The following AUTS2 variants were observed in gnomAD, a reference collection of about 807,000 sequenced individuals.
AUTS2 encodes activator of transcription and developmental regulator AUTS2.
AUTS2 carries 17 observed loss-of-function variants against 112.4 expected under a neutral mutation model. That is an observed-to-expected ratio of 0.15 (90% confidence interval 0.10 to 0.23). AUTS2 has a LOEUF of 0.23. Ranked by LOEUF, AUTS2 falls within the 10% of genes least tolerant of loss-of-function variation. The pLI, the probability that AUTS2 is intolerant of heterozygous loss-of-function variation, is 1.00. For synonymous variants in AUTS2, 751 were observed against 702.7 expected (o/e 1.07, Z -1.09); for missense variants, 1,510 against 1,701.6 (o/e 0.89, Z 1.98).
At chr7:70,368,518 C>T (rs1267697393) in intron 4 of AUTS2, among the ~76,000 whole-genome samples, 1 of 152,148 alleles carries the variant, frequency 6.6e-6, no homozygotes, top group Non-Finnish European at 1.5e-5. Flanking sequence ...TAACAAGTAG[C>T]CCTAACTCTA....
chr7:70,718,288 C>A (rs6959578), intron 6 of AUTS2, among the ~76,000 whole-genome samples: 116,302 of 151,998 alleles, frequency 0.77, 44,623 homozygotes, highest in East Asian at 0.93. Flanking sequence ...CCTTTTCAGA[C>A]ATGGCCCCTC....
At chr7:69,937,356 T>C (rs1408987828) in intron 2 of AUTS2, among the ~76,000 whole-genome samples, 1 of 152,336 alleles carries the variant, frequency 6.6e-6, no homozygotes, top group East Asian at 1.9e-4. Flanking sequence ...AAACCAAAGA[T>C]TTCCTTGTCT....
intron 5 of AUTS2, among the ~76,000 whole-genome samples, chr7:70,453,395 G>A (rs769137772): frequency 6.6e-5 from 10 of 152,216 alleles, no homozygotes; most frequent in Admixed American, 5.9e-4. Flanking sequence ...CTTGGCAAGC[G>A]CTACAGAGCA....
At chr7:70,100,700 T>C (rs1804441228) in intron 2 of AUTS2, among the ~76,000 whole-genome samples, 1 of 151,764 alleles carries the variant, frequency 6.6e-6, no homozygotes, top group Non-Finnish European at 1.5e-5. Flanking sequence ...ACTGAAAAAG[T>C]AGATAGATTT....
intron 4 of AUTS2, among the ~76,000 whole-genome samples, chr7:70,425,957 A>G (rs1562950602): frequency 6.6e-6 from 1 of 152,168 alleles, no homozygotes; most frequent in African/African-American, 2.4e-5. Flanking sequence ...TTATATGTTT[A>G]TTAACTCAAT....
intron 5 of AUTS2, among the ~76,000 whole-genome samples, chr7:70,658,615 G>A (rs568159653): frequency 6.6e-6 from 1 of 152,264 alleles, no homozygotes; most frequent in African/African-American, 2.4e-5. Flanking sequence ...TGTCCTATAG[G>A]ATTCTTAAGA....
intron 2 of AUTS2, among the ~76,000 whole-genome samples, chr7:70,108,570 A>G (rs1584734042): frequency 1.3e-5 from 2 of 151,982 alleles, no homozygotes; most frequent in South Asian, 2.1e-4. Flanking sequence ...GGATTATTTT[A>G]TAAAATAAAA....
chr7:70,113,429 T>C (rs993910921), intron 2 of AUTS2, among the ~76,000 whole-genome samples: 1 of 152,132 alleles, frequency 6.6e-6, no homozygotes, highest in African/African-American at 2.4e-5. Flanking sequence ...AAAATAAAAA[T>C]AGTATTTTTC....
intron 4 of AUTS2, among the ~76,000 whole-genome samples, chr7:70,369,654 G>A (rs952276701): frequency 1.3e-5 from 2 of 152,102 alleles, no homozygotes; most frequent in Non-Finnish European, 2.9e-5. Context: ...CTGACAGGTT[G>A]CAACCTTATT....
chr7:69,602,632 A>G (rs1792497869), intron 1 of AUTS2, among the ~76,000 whole-genome samples: 2 of 152,190 alleles, frequency 1.3e-5, no homozygotes, highest in Admixed American at 6.5e-5. Context: ...AAAAATCCTC[A>G]GACCCCACCA....
In AUTS2 at chr7:69,846,473, G is replaced by A. The variant is rs190638186; in HGVS notation, c.310-52813G>A. On this transcript the variant is annotated intron_variant, in intron 1 of 18. Coordinates refer to ENST00000342771, the MANE Select transcript of AUTS2 (RefSeq NM_015570.4). The stretch of plus-strand genomic sequence containing the variant: ...GCATTGGGCCCAGAATCCATAATAC[G>A]ATATTCATAATAAATACCAACATCT... Among the ~76,000 whole-genome samples, 50 of 152,232 alleles carry A rather than the reference G, an allele frequency of 3.3e-4. 1 individual carries two copies. The highest frequency in any genetic ancestry group is 2.9e-3 in the Admixed American group (45 of 15,286).
chr7:69,886,756 G>A (rs553538249), intron 1 of AUTS2, among the ~76,000 whole-genome samples: 1 of 140,798 alleles, frequency 7.1e-6, no homozygotes, highest in African/African-American at 2.6e-5. Flanking sequence ...ATGCAGATTT[G>A]ACTTCTTTGT....
At chr7:70,451,249 A>G (rs1472159156) in intron 5 of AUTS2, among the ~76,000 whole-genome samples, 1 of 152,150 alleles carries the variant, frequency 6.6e-6, no homozygotes, top group African/African-American at 2.4e-5. Flanking sequence ...CAAGAGTTGA[A>G]TAACTATTGG....
chr7:69,783,054 A>T, intron 1 of AUTS2, among the ~76,000 whole-genome samples: 1 of 148,248 alleles, frequency 6.7e-6, no homozygotes, highest in South Asian at 2.1e-4. Flanking sequence ...GTGCAAGGTA[A>T]TCCCTTTGAC....
At chr7:69,961,441 G>A (rs1797426466) in intron 2 of AUTS2, among the ~76,000 whole-genome samples, 1 of 152,104 alleles carries the variant, frequency 6.6e-6, no homozygotes, top group Non-Finnish European at 1.5e-5. Flanking sequence ...GGATCATAGT[G>A]TACCTATTCT....
chr7:70,129,996 A>G (rs1806188787), intron 3 of AUTS2, among the ~76,000 whole-genome samples: 1 of 151,854 alleles, frequency 6.6e-6, no homozygotes, highest in African/African-American at 2.4e-5. Context: ...CAGGTTTTTA[A>G]AACACTACTG....
intron 4 of AUTS2, among the ~76,000 whole-genome samples, chr7:70,274,356 G>A (rs1002914746): frequency 6.6e-6 from 1 of 151,942 alleles, no homozygotes; most frequent in Non-Finnish European, 1.5e-5. Context: ...GCAGTAGTAT[G>A]AATCATGACT....
At chr7:70,482,035 A>G (rs1239597751) in intron 5 of AUTS2, among the ~76,000 whole-genome samples, 1 of 152,192 alleles carries the variant, frequency 6.6e-6, no homozygotes, top group Non-Finnish European at 1.5e-5. Context: ...GGGAATATTT[A>G]TGAGGTTAAA....
At chr7:70,211,049 A>G (rs1258126127) in intron 4 of AUTS2, among the ~76,000 whole-genome samples, 1 of 152,142 alleles carries the variant, frequency 6.6e-6, no homozygotes, top group Non-Finnish European at 1.5e-5. Flanking sequence ...CCAAGGATGA[A>G]TATTATGGCT....
Sources: gnomAD v4.1 joint callset for allele counts (sites outside exome capture counted in the v4.1 genomes callset) on GRCh38, gnomAD v4.1.1 for gene constraint, MANE v1.5 for transcripts, NCBI Gene and HGNC (gene_info 2026-07-23, HGNC 2026-07-21) for gene names.